Variants in FGD6 observed in about 807,000 individuals in gnomAD.
FGD6 encodes FYVE, RhoGEF and PH domain-containing protein 6.
A neutral mutation model predicts 149.4 loss-of-function variants in FGD6; 90 were observed. That is an observed-to-expected ratio of 0.60 (90% CI 0.51 to 0.72). FGD6 has a LOEUF of 0.72. Among genes scored for constraint, FGD6 ranks in the 30% least tolerant of loss-of-function variants. FGD6 has a pLI of 0.00. For synonymous variants in FGD6, 527 were observed against 584.0 expected (o/e 0.90, Z 1.41); for missense variants, 1,437 against 1,684.8 (o/e 0.85, Z 2.57).
intron 2 of FGD6, among the ~76,000 whole-genome samples, chr12:95,204,953 T>C (rs983793915): frequency 9.2e-5 from 14 of 152,200 alleles, no homozygotes; most frequent in Non-Finnish European, 1.9e-4. Context: ...TTCTGATAAA[T>C]TGTAAACATG....
intron 2 of FGD6, among the ~76,000 whole-genome samples, chr12:95,190,115 C>G (rs1027915779): frequency 6.6e-6 from 1 of 152,200 alleles, no homozygotes; most frequent in Non-Finnish European, 1.5e-5. Flanking sequence ...TACCTGCCTT[C>G]TAACAGCTAA....
intron 3 of FGD6, among the ~76,000 whole-genome samples, chr12:95,159,376 A>G (rs1165144750): frequency 2.6e-5 from 4 of 152,242 alleles, no homozygotes; most frequent in African/African-American, 7.2e-5. Flanking sequence ...GTTATTAGAT[A>G]TGACACCAAA....
intron 8 of FGD6, among the ~76,000 whole-genome samples, chr12:95,115,914 C>T (rs758980461): frequency 1.8e-4 from 27 of 152,266 alleles, no homozygotes; most frequent in Non-Finnish European, 3.7e-4. Flanking sequence ...TGGCAATAAG[C>T]CATGGTGAGA....
chr12:95,164,911 C>T (rs1880761930), intron 3 of FGD6, among the ~76,000 whole-genome samples: 1 of 152,016 alleles, frequency 6.6e-6, no homozygotes, highest in South Asian at 2.1e-4. Context: ...TAGGTTTTCG[C>T]CCTTTCTTTA....
At chr12:95,154,422 T>C (rs1328341329) in intron 3 of FGD6, among the ~76,000 whole-genome samples, 1 of 152,130 alleles carries the variant, frequency 6.6e-6, no homozygotes, top group Non-Finnish European at 1.5e-5. Flanking sequence ...ATATCGAGAG[T>C]TGGATTTAGT....
chr12:95,174,387 C>T (rs1881072588), intron 2 of FGD6, among the ~76,000 whole-genome samples: 1 of 152,164 alleles, frequency 6.6e-6, no homozygotes, highest in Admixed American at 6.5e-5. Flanking sequence ...TTCTAAAACC[C>T]TGTTAACACA....
At chr12:95,150,035 T>TACACACAC (rs1880259036) in intron 5 of FGD6, among the ~76,000 whole-genome samples, 1 of 110,810 alleles carries the variant, frequency 9.0e-6, no homozygotes, top group Non-Finnish European at 1.9e-5. Context: ...CACACACACT[T>TACACACAC]TTTTTTTTTG....
intron 6 of FGD6, among the ~76,000 whole-genome samples, chr12:95,138,979 TA>T (rs11353051): frequency 0.69 from 104,342 of 151,972 alleles, 35,992 homozygotes; most frequent in Middle Eastern, 0.71. Context: ...TCTGCATACT[TA>T]AGAGCACAGA....
In FGD6 at chr12:95,106,893, C is replaced by CAAACA. The variant is rs562642434; in HGVS notation, c.3417+56_3417+60dup. On this transcript the variant is annotated intron_variant, in intron 13 of 20. Coordinates refer to ENST00000343958, the MANE Select transcript of FGD6 (RefSeq NM_018351.4). ...TGGGTGACAGAATGAGACCCCGTCT[C>CAAACA]AAACAAAACAAAACAAAACAAAACA... 3.1e-4 allele frequency: 318 copies of CAAACA among 1,025,872 alleles called. 6 individuals carry two copies. The highest frequency in any genetic ancestry group is 1.2e-3 in the South Asian group (86 of 70,644). The allele number at this position is 1,025,872 out of a possible 1,614,324, so 63.5% of individuals were successfully genotyped here. A position where few individuals can be genotyped will look rare whatever the true frequency, so the allele number is the denominator to read the frequency against.
At chr12:95,091,538 C>A (rs927456746) in intron 17 of FGD6, among the ~76,000 whole-genome samples, 169 bp downstream of exon 17, 1 of 152,196 alleles carries the variant, frequency 6.6e-6, no homozygotes, top group Non-Finnish European at 1.5e-5. Context: ...TTCAGCCCAA[C>A]CTCTCCCAGA....
At chr12:95,084,032 A>T (rs1877779512) in intron 20 of FGD6, among the ~76,000 whole-genome samples, 1 of 152,210 alleles carries the variant, frequency 6.6e-6, no homozygotes, top group African/African-American at 2.4e-5. Context: ...CTGGAACAGC[A>T]TGGGAGTCTC....
At chr12:95,179,360 G>A (rs1881216756) in intron 2 of FGD6, among the ~76,000 whole-genome samples, 1 of 151,920 alleles carries the variant, frequency 6.6e-6, no homozygotes, top group African/African-American at 2.4e-5. Context: ...AAAATTGCAT[G>A]GTGGTATGTG....
rs764683878 is a variant in FGD6 at position 95,209,359 on chromosome 12, C to A, written c.1925G>T (p.Ser642Ile). Residue 642 changes from serine (S) to isoleucine (I), a missense_variant, in exon 2 of 21, where the codon AGT becomes ATT. This residue lies in a region of FGD6 where 1,055 missense variants were observed against 1,146.0 expected (regional missense o/e 0.92). Coordinates refer to ENST00000343958, the MANE Select transcript of FGD6 (RefSeq NM_018351.4). ...CTTGGACCAAAATTTTTGAAAGTCA[C>A]TCTTCATGAAACAGATGGACAGTTT... ...SMKLSICFMK[S>I]DFQKFWSKSS... The A allele has an allele frequency of 6.2e-6, 10 of 1,613,038 alleles. No homozygotes were observed. Among genetic ancestry groups the A allele is most frequent in the Non-Finnish European group, 8.5e-6 (10 of 1,179,444 alleles).
At chr12:95,171,974 A>G (rs1055670306) in intron 3 of FGD6, among the ~76,000 whole-genome samples, 6 of 145,542 alleles carry the variant, frequency 4.1e-5, no homozygotes, top group African/African-American at 1.3e-4. Context: ...TAAAATGCAT[A>G]TAATTTCTTT....
intron 5 of FGD6, among the ~76,000 whole-genome samples, chr12:95,141,777 A>C (rs1879855096): frequency 6.6e-6 from 1 of 152,212 alleles, no homozygotes; most frequent in Non-Finnish European, 1.5e-5. Flanking sequence ...TATTTATCTT[A>C]AACCTTTTAG....
At chr12:95,100,574 C>A in intron 14 of FGD6, 1 of 421,230 alleles carries the variant, frequency 2.4e-6, no homozygotes, top group South Asian at 1.8e-5. Context: ...TGTATCTGTT[C>A]CCACGACTTT....
intron 2 of FGD6, among the ~76,000 whole-genome samples, chr12:95,183,381 A>G (rs1881339755): frequency 6.6e-6 from 1 of 152,198 alleles, no homozygotes; most frequent in South Asian, 2.1e-4. Context: ...GTTCCTGAGT[A>G]CAGGCCTGGG....
At chr12:95,142,142 A>ATTT (rs542164287) in intron 5 of FGD6, among the ~76,000 whole-genome samples, 3 of 132,642 alleles carry the variant, frequency 2.3e-5, no homozygotes, top group Non-Finnish European at 3.2e-5. Context: ...TCACTTTTGT[A>ATTT]TTTTTTTTTT....
chr12:95,129,872 C>T (rs1034379051), intron 8 of FGD6, among the ~76,000 whole-genome samples: 1 of 152,026 alleles, frequency 6.6e-6, no homozygotes, highest in Non-Finnish European at 1.5e-5. Context: ...CAGGGTTTCA[C>T]CATGTCGGCC....
Sources: allele counts gnomAD v4.1 joint callset (sites outside exome capture counted in the v4.1 genomes callset), GRCh38; gene constraint gnomAD v4.1.1; regional missense constraint gnomAD v4.1.1; transcripts MANE v1.5; gene names NCBI Gene and HGNC (gene_info 2026-07-23, HGNC 2026-07-21).